The following EIF4B variants were observed in gnomAD, a reference collection of about 807,000 sequenced individuals.
EIF4B encodes the protein eukaryotic translation initiation factor 4B.
Under a neutral mutation model 79.3 loss-of-function variants are expected in EIF4B, and 8 were observed. That is an observed-to-expected ratio of 0.10 (90% confidence interval 0.06 to 0.18). The LOEUF (loss-of-function observed/expected upper bound fraction) is 0.18. EIF4B is among the 10% of genes least tolerant of loss of function. The pLI is 1.00. For synonymous variants in EIF4B, 238 were observed against 274.7 expected (o/e 0.87, Z 1.32); for missense variants, 515 against 792.4 (o/e 0.65, Z 4.20).
Position 53,038,417 on chromosome 12 carries a change from C to T in EIF4B, c.1576+6C>T. The T allele has an allele frequency of 1.3e-6, 2 of 1,587,352 alleles. No individual in the cohort carries two copies. The highest frequency in any genetic ancestry group is 4.6e-5 in the East Asian group (2 of 43,648). Reference sequence around the variant, plus strand: ...GGAAGGACCAGGAAGGAAAGGTGAGCTCATAGTATGGGAAATAGGTTTTTC... The same window carrying T: ...GGAAGGACCAGGAAGGAAAGGTGAGTTCATAGTATGGGAAATAGGTTTTTC... On this transcript the variant is annotated splice_donor_region_variant and intron_variant, in intron 12 of 14. Transcript: ENST00000262056.
intron 1 of EIF4B, among the ~76,000 whole-genome samples, chr12:53,012,569 T>C (rs11170372): frequency 0.81 from 121,138 of 150,478 alleles, 50,869 homozygotes; most frequent in Non-Finnish European, 0.93. Flanking sequence ...AAAAAAGACT[T>C]ATCCAACAGT....
rs752877093 is a variant in EIF4B, at chr12:53,028,131, C to T, written c.922C>T (p.Arg308Trp). ...AGACCGATATGACAGACGGGATGAT[C>T]GGTCGTGGAGCTCCAGAGATGATTA... ...YEDRYDRRDD[R>W]SWSSRDDYSR... The change falls in exon 8 of 15, where the codon CGG becomes TGG. Residue 308 changes from arginine (R) to tryptophan (W), a missense_variant. Transcript: ENST00000262056. 28 of 1,613,736 alleles carry T rather than the reference C, an allele frequency of 1.7e-5. No homozygotes were observed. The highest frequency in any genetic ancestry group is 2.3e-5 in the Non-Finnish European group (27 of 1,179,916).
At chr12:53,036,236 C>A (rs923965073) in intron 10 of EIF4B, among the ~76,000 whole-genome samples, 7 of 152,116 alleles carry the variant, frequency 4.6e-5, no homozygotes, top group Admixed American at 2.0e-4. Flanking sequence ...CCCAAGCCTC[C>A]CGAGTAGCTG....
At chr12:53,024,097 C>T (rs180832449) in intron 6 of EIF4B, among the ~76,000 whole-genome samples, 35 of 152,160 alleles carry the variant, frequency 2.3e-4, no homozygotes, top group Admixed American at 2.0e-3. Context: ...AATAATTAAA[C>T]AGTTGGGGTG....
chr12:53,028,871 A>G (rs910360179), intron 8 of EIF4B, among the ~76,000 whole-genome samples: 1 of 152,148 alleles, frequency 6.6e-6, no homozygotes, highest in Non-Finnish European at 1.5e-5. Context: ...CACACCTGTA[A>G]TCTCAGCACT....
intron 11 of EIF4B, chr12:53,038,127 A>G: frequency 2.8e-6 from 1 of 351,146 alleles, no homozygotes; most frequent in Non-Finnish European, 5.2e-6. Context: ...AAAAGAAAAG[A>G]AAATAGCAAT....
intron 1 of EIF4B, among the ~76,000 whole-genome samples, chr12:53,013,215 AT>A (rs1051994491): frequency 6.6e-6 from 1 of 152,202 alleles, no homozygotes; most frequent in African/African-American, 2.4e-5. Context: ...GGGATACCTT[AT>A]TCAGATTGTT....
chr12:53,035,478 C>T (rs942330294), intron 10 of EIF4B, among the ~76,000 whole-genome samples: 1 of 151,842 alleles, frequency 6.6e-6, no homozygotes, highest in Non-Finnish European at 1.5e-5. Flanking sequence ...ATGCCATTCT[C>T]CTGCCTCAGC....
In EIF4B at chr12:53,032,677, T is replaced by G. The variant is rs557531580; in HGVS notation, c.980-1129T>G. On this transcript the variant is annotated intron_variant, in intron 8 of 14. Transcript: ENST00000262056. ...TGAACTTGGGTTTTTTTGTTTTTTT[T>G]TTTTTTTGAGATGGAGTTTGGCACT... 2.0e-3 allele frequency among the ~76,000 whole-genome samples: 300 copies of G among 151,528 alleles called. 2 individuals carry two copies. Among genetic ancestry groups the G allele is most frequent in the Middle Eastern group, 3.4e-3 (1 of 294 alleles).
chr12:53,016,712 C>T, intron 2 of EIF4B, 102 bp downstream of exon 2: 4 of 1,421,958 alleles, frequency 2.8e-6, no homozygotes, highest in Non-Finnish European at 3.7e-6. Flanking sequence ...AGAACTTACT[C>T]ATTTTTTAGC....
intron 14 of EIF4B, 71 bp downstream of exon 14, chr12:53,039,773 A>G: frequency 6.7e-7 from 1 of 1,500,456 alleles, no homozygotes; most frequent in African/African-American, 1.4e-5. Flanking sequence ...ATTCTTACTA[A>G]GAATTAAAAA....
chr12:53,036,639 CCTGGCCTCAAGCAAT>C (rs1415764697), intron 10 of EIF4B, among the ~76,000 whole-genome samples: 1 of 152,158 alleles, frequency 6.6e-6, no homozygotes, highest in Non-Finnish European at 1.5e-5. Context: ...GTCTCAAACT[CCTGGCCTCAAGCAAT>C]CCTGCCTCAG....
chr12:53,006,863 G>A (rs1358354308), intron 1 of EIF4B, among the ~76,000 whole-genome samples: 1 of 151,680 alleles, frequency 6.6e-6, no homozygotes, highest in Non-Finnish European at 1.5e-5. Context: ...GAAGGAGGCG[G>A]TTGCTGCGCG....
At chr12:53,023,081 G>A (rs954837985) in intron 6 of EIF4B, among the ~76,000 whole-genome samples, 2 of 152,032 alleles carry the variant, frequency 1.3e-5, no homozygotes, top group Non-Finnish European at 1.5e-5. Context: ...AGGACTCCTT[G>A]AGCCCAGGAG....
In EIF4B at chr12:53,040,240, C is replaced by T. The variant is rs1434286538; in HGVS notation, c.*17C>T. 1 of 1,601,138 alleles carries T rather than the reference C, an allele frequency of 6.2e-7. No homozygotes were observed. The highest frequency in any genetic ancestry group is 2.2e-5 in the East Asian group (1 of 44,808). On this transcript the variant is annotated 3_prime_UTR_variant, in exon 15 of 15. Coordinates refer to ENST00000262056, the MANE Select transcript of EIF4B (RefSeq NM_001417.7). ...GCCGAATAGACCTCTACATCCTGTG[C>T]TTTTCTCCTAGTTTCTCTCCACCCT...
chr12:53,007,420 CTTTTTT>C (rs56017954), intron 1 of EIF4B, among the ~76,000 whole-genome samples: 26 of 92,248 alleles, frequency 2.8e-4, no homozygotes, highest in African/African-American at 1.3e-3. Context: ...AGATTTCAGC[CTTTTTT>C]TTTTTTTTTT....
chr12:53,010,818 C>T (rs998228051), intron 1 of EIF4B, among the ~76,000 whole-genome samples: 1 of 152,094 alleles, frequency 6.6e-6, no homozygotes, highest in African/African-American at 2.4e-5. Flanking sequence ...GGTGATCTTC[C>T]CACCTTGGCC....
At chr12:53,027,539 TTGCATGTAAAC>T (rs1259588514) in intron 6 of EIF4B, among the ~76,000 whole-genome samples, 2 of 152,188 alleles carry the variant, frequency 1.3e-5, no homozygotes, top group Non-Finnish European at 2.9e-5. Context: ...TTTTTTGTTT[TTGCATGTAAAC>T]CTCTTCTCCT....
chr12:53,012,657 G>A (rs1211783654), intron 1 of EIF4B, among the ~76,000 whole-genome samples: 4 of 148,550 alleles, frequency 2.7e-5, no homozygotes, highest in South Asian at 2.1e-4. Flanking sequence ...CCAGGCTGGA[G>A]TGCAGTGGCA....
Sources: gnomAD v4.1 joint callset for allele counts (sites outside exome capture counted in the v4.1 genomes callset) on GRCh38, gnomAD v4.1.1 for gene constraint, MANE v1.5 for transcripts, NCBI Gene and HGNC (gene_info 2026-07-23, HGNC 2026-07-21) for gene names.